The following MED26 variants were observed in gnomAD, a reference collection of about 807,000 sequenced individuals.
MED26 encodes the protein mediator complex subunit 26.
A neutral mutation model predicts 43.7 loss-of-function variants in MED26; 7 were observed. The observed-to-expected ratio is 0.16, with a 90% CI of 0.09 to 0.30. MED26 has a LOEUF of 0.30. Ranked by LOEUF, MED26 falls within the 10% of genes least tolerant of loss-of-function variation. The pLI is 1.00. For synonymous variants in MED26, 375 were observed against 371.1 expected (o/e 1.01, Z -0.12); for missense variants, 784 against 840.6 (o/e 0.93, Z 0.83).
intron 1 of MED26, among the ~76,000 whole-genome samples, chr19:16,599,305 C>T (rs779012443): frequency 2.0e-5 from 3 of 152,174 alleles, no homozygotes; most frequent in East Asian, 1.9e-4. Context: ...TCCTTTTTCA[C>T]GGCAGGAAAC....
intron 1 of MED26, among the ~76,000 whole-genome samples, chr19:16,621,903 G>C (rs1333184473): frequency 6.6e-6 from 1 of 152,150 alleles, no homozygotes; most frequent in Non-Finnish European, 1.5e-5. Context: ...CCAGTGCCAT[G>C]TAATGCTACC....
chr19:16,617,793 C>A (rs1291164348), intron 1 of MED26, among the ~76,000 whole-genome samples: 1 of 134,544 alleles, frequency 7.4e-6, no homozygotes, highest in African/African-American at 3.3e-5. Context: ...GCTTGCCCAC[C>A]AACCATCAAG....
At chr19:16,588,529 G>T (rs747191) in intron 1 of MED26, 2 of 152,364 alleles carry the variant, frequency 1.3e-5, no homozygotes, top group African/African-American at 4.8e-5. Flanking sequence ...GCAGGGGACC[G>T]CACCTGGCCT....
intron 1 of MED26, among the ~76,000 whole-genome samples, chr19:16,584,295 C>T (rs1401913383): frequency 2.2e-5 from 3 of 134,974 alleles, no homozygotes; most frequent in African/African-American, 9.1e-5. Context: ...CCAAACACTG[C>T]CCCCCCCCGC....
intron 1 of MED26, among the ~76,000 whole-genome samples, chr19:16,595,258 C>A (rs1386253582): frequency 6.6e-6 from 1 of 152,194 alleles, no homozygotes; most frequent in Non-Finnish European, 1.5e-5. Flanking sequence ...GCACCTCTTT[C>A]CAGCTCTGTG....
intron 1 of MED26, among the ~76,000 whole-genome samples, chr19:16,585,928 G>A (rs2086068910): frequency 1.3e-5 from 2 of 152,340 alleles, no homozygotes; most frequent in Admixed American, 6.5e-5. Flanking sequence ...ACAGGGGTGT[G>A]TAAGTAAAAC....
At chr19:16,604,879 C>T (rs1158755640) in intron 1 of MED26, among the ~76,000 whole-genome samples, 5 of 152,192 alleles carry the variant, frequency 3.3e-5, no homozygotes, top group African/African-American at 1.2e-4. Context: ...AAATATGTGT[C>T]CGTCCCAAGC....
At chr19:16,583,636 AG>A (rs1171210800) in intron 1 of MED26, among the ~76,000 whole-genome samples, 3 of 152,180 alleles carry the variant, frequency 2.0e-5, no homozygotes, top group Non-Finnish European at 4.4e-5. Flanking sequence ...CAGGCAGGGC[AG>A]GAAGTTAGCA....
rs2085994346 is a variant in MED26 at position 16,575,997 on chromosome 19, T to C, written c.*30A>G. ...GCCCGCCCACCCGGCTTCTGCAAGATGGGAATGCACTTTGTGGCTGACAGG... is the reference window on the plus strand; with the variant it reads ...GCCCGCCCACCCGGCTTCTGCAAGACGGGAATGCACTTTGTGGCTGACAGG... On this transcript the variant is annotated 3_prime_UTR_variant, in exon 3 of 3. Coordinates refer to ENST00000263390, the MANE Select transcript of MED26 (RefSeq NM_004831.5). 1.9e-6 allele frequency: 3 copies of C among 1,578,618 alleles called. No individual in the cohort carries two copies. Among genetic ancestry groups the C allele is most frequent in the East Asian group, 4.5e-5 (2 of 44,082 alleles).
At chr19:16,578,727 G>C (rs2086027478) in intron 1 of MED26, 1 of 335,080 alleles carries the variant, frequency 3.0e-6, no homozygotes, top group African/African-American at 2.2e-5. Flanking sequence ...TGATACTTAA[G>C]ATGACCTCTA....
chr19:16,576,055 T>A lies in MED26; in HGVS notation c.1775A>T (p.Asn592Ile). The A allele has an allele frequency of 6.2e-7, 1 of 1,613,468 alleles. No individual in the cohort carries two copies. The highest frequency in any genetic ancestry group is 8.5e-7 in the Non-Finnish European group (1 of 1,179,922). ...GTCCAAGCAGACATAAGGCAGAATG[T>A]TCAAGCGCCCGTCGTCGCCGTGCGG... ...LDPHGDDGRL[N>I]ILPYVCLD The change falls in exon 3 of 3, where the codon AAC becomes ATC. Residue 592 changes from asparagine to isoleucine, a missense_variant. Around this residue, in one of 3 missense-constraint regions of MED26, gnomAD observed 719 missense variants for 730.9 expected, o/e 0.98. Coordinates refer to ENST00000263390, the MANE Select transcript of MED26 (RefSeq NM_004831.5). This position sits in a 1 kb window ranked among gnomAD's most constrained non-coding sequence, Gnocchi z 6.8.
chr19:16,590,007 G>A (rs2086088489), intron 1 of MED26, among the ~76,000 whole-genome samples: 1 of 152,234 alleles, frequency 6.6e-6, no homozygotes, highest in Non-Finnish European at 1.5e-5. Flanking sequence ...AATGTGCACT[G>A]CACTTCACTG....
intron 1 of MED26, among the ~76,000 whole-genome samples, chr19:16,616,235 A>G (rs1304961947): frequency 1.3e-5 from 2 of 151,724 alleles, no homozygotes; most frequent in African/African-American, 2.4e-5. Context: ...AAGCCTTCCT[A>G]TGCAGCATTT....
At position 16,574,976 on chromosome 19, in the gene MED26, C is replaced by T. The variant is rs1258661592; in HGVS notation, c.*1051G>A. ...TATCACAAGGTGTCCACTTACTGGACCAAATAGCAAAGTTGCTCCCTTCTG... is the reference window on the plus strand; with the variant it reads ...TATCACAAGGTGTCCACTTACTGGATCAAATAGCAAAGTTGCTCCCTTCTG... On this transcript the variant is annotated 3_prime_UTR_variant, in exon 3 of 3. Transcript: ENST00000263390. 6.6e-6 allele frequency: 1 copy of T among 151,930 alleles called. No individual in the cohort carries two copies. Among genetic ancestry groups the T allele is most frequent in the South Asian group, 2.1e-4 (1 of 4,806 alleles). 9.4% of individuals were successfully genotyped at this position (151,930 alleles called of 1,614,324 possible).
chr19:16,592,270 C>T (rs925217558), intron 1 of MED26, among the ~76,000 whole-genome samples: 1 of 152,228 alleles, frequency 6.6e-6, no homozygotes, highest in African/African-American at 2.4e-5. Context: ...TGCCCAAGTT[C>T]CATCTGCAGG....
At position 16,621,283 on chromosome 19, in the gene MED26, C is replaced by G. The variant is rs547871497; in HGVS notation, c.72+6589G>C. ...CCCTAAAATGAAGATGAAGCACCTA[C>G]CCTAGAAGTAATTCAAAGAAGCAAT... On this transcript the variant is annotated intron_variant, in intron 1 of 2. Transcript: ENST00000263390. Among the ~76,000 whole-genome samples, 12 of 152,316 alleles carry G rather than the reference C, an allele frequency of 7.9e-5. No individual in the cohort carries two copies. The South Asian group carries it at 2.5e-3, about 32-fold the overall frequency.
intron 1 of MED26, chr19:16,588,140 AT>A (rs1337640447): frequency 6.6e-6 from 1 of 152,232 alleles, no homozygotes; most frequent in Non-Finnish European, 1.5e-5. Flanking sequence ...TCATCTGTAA[AT>A]TGACTCGTTG....
chr19:16,625,499 A>G (rs2086270268), intron 1 of MED26, among the ~76,000 whole-genome samples: 2 of 152,184 alleles, frequency 1.3e-5, no homozygotes, highest in Non-Finnish European at 2.9e-5. Flanking sequence ...CGCTTCTCTC[A>G]GAAGAGGTTT....
In MED26 at chr19:16,576,582, C is replaced by G. The variant is rs771912055; in HGVS notation, c.1248G>C (p.Lys416Asn). The stretch of plus-strand genomic sequence containing the variant: ...GCTTCCGCTCTTTTAACCGGACAGG[C>G]TTGACGCCCGCCTCAGCCACCTGCC... ...LDGQVAEAGV[K>N]PVRLKERKLT... The change falls in exon 3 of 3, where the codon AAG (lysine) becomes AAC (asparagine). Residue 416 changes from lysine to asparagine, a missense_variant. By Grantham distance (94) the Lys-to-Asn change is moderately conservative. This residue lies in a region of MED26 where 719 missense variants were observed against 730.9 expected (regional missense o/e 0.98). Coordinates refer to ENST00000263390, the MANE Select transcript of MED26 (RefSeq NM_004831.5). This position sits in a 1 kb window ranked among gnomAD's most constrained non-coding sequence, Gnocchi z 6.8. 1 of 1,614,212 alleles carries G rather than the reference C, an allele frequency of 6.2e-7. No homozygotes were observed. The highest frequency in any genetic ancestry group is 8.5e-7 in the Non-Finnish European group (1 of 1,180,038).
Sources: allele counts gnomAD v4.1 joint callset (sites outside exome capture counted in the v4.1 genomes callset), GRCh38; gene constraint gnomAD v4.1.1; regional missense constraint gnomAD v4.1.1; non-coding constraint Gnocchi (gnomAD v3.1); transcripts MANE v1.5; gene names NCBI Gene and HGNC (gene_info 2026-07-23, HGNC 2026-07-21).